The following SHROOM1 variants were observed in gnomAD, a reference collection of about 807,000 sequenced individuals.
SHROOM1 encodes shroom family member 1, also known as protein Shroom1.
SHROOM1 carries 53 observed loss-of-function variants against 64.2 expected under a neutral mutation model. The observed-to-expected ratio is 0.83, with a 90% confidence interval of 0.66 to 1.04. SHROOM1 has a LOEUF of 1.04. SHROOM1 is among the 50% of genes least tolerant of loss of function. The probability of loss-of-function intolerance (pLI) is 0.00; values close to 1 mark genes in which losing one functional copy is unlikely to be tolerated. For synonymous variants in SHROOM1, 490 were observed against 518.9 expected (o/e 0.94, Z 0.76); for missense variants, 1,179 against 1,163.2 (o/e 1.01, Z -0.20).
At position 132,825,877 on chromosome 5, in the gene SHROOM1, C is replaced by A; in HGVS notation, c.264G>T (p.Ala88=). The change falls in exon 4 of 10, where the codon GCG becomes GCT. Residue 88 remains alanine, a synonymous_variant. Transcript: ENST00000378679. This position sits in a 1 kb window ranked among gnomAD's most constrained non-coding sequence, Gnocchi z 5.1. ...ALCTSPRPRP[A]VAARSGPQPT... ...GCTGCGGCCCACTGCGGGCTGCAAC[C>A]GCGGGCCGGGGCCGCGGGGATGTGC... 3 of 1,301,866 alleles carry A rather than the reference C, an allele frequency of 2.3e-6. No individual in the cohort carries two copies. The highest frequency in any genetic ancestry group is 2.0e-6 in the Non-Finnish European group (2 of 1,019,890). The allele number at this position is 1,301,866 out of a possible 1,614,324, so 80.6% of individuals were successfully genotyped here.
chr5:132,827,645 A>C (rs138223151), intron 1 of SHROOM1, 38 bp from the exon 2 acceptor site: 1 of 149,926 alleles, frequency 6.7e-6, no homozygotes, highest in Non-Finnish European at 1.5e-5. Context: ...AAAACAAAAC[A>C]AAACCCCAAA....
At position 132,825,499 on chromosome 5, in the gene SHROOM1, G is replaced by A; in HGVS notation, c.642C>T (p.Leu214=). ...AGCACCACTTCCGCTGCTGGTTGGC[G>A]AGGGGACCCCGGCCGGCAGTTCCTG... ...PAPGTAGRGP[L]ANQQRKWCFS... The change falls in exon 4 of 10, where the codon CTC becomes CTT. Residue 214 remains leucine, a synonymous_variant. Coordinates refer to ENST00000378679, the MANE Select transcript of SHROOM1 (RefSeq NM_001172700.2). The surrounding 1 kb of genome is among the most constrained non-coding windows in gnomAD (Gnocchi z 5.1). 2 of 1,506,244 alleles carry A rather than the reference G, an allele frequency of 1.3e-6. No homozygotes were observed. The highest frequency in any genetic ancestry group is 1.3e-5 in the South Asian group (1 of 78,082). The allele number at this position is 1,506,244 out of a possible 1,614,324, so 93.3% of individuals were successfully genotyped here. A position where few individuals can be genotyped will look rare whatever the true frequency, so the allele number is the denominator to read the frequency against.
At position 132,830,640 on chromosome 5, in the gene SHROOM1, G is replaced by A; in HGVS notation, c.-547C>T. The A allele has an allele frequency of 1.0e-6, 1 of 985,246 alleles. No individual in the cohort carries two copies. Among genetic ancestry groups the A allele is most frequent in the Non-Finnish European group, 1.2e-6 (1 of 829,844 alleles). The allele number at this position is 985,246 out of a possible 1,614,324, so 61.0% of individuals were successfully genotyped here. A position where few individuals can be genotyped will look rare whatever the true frequency, so the allele number is the denominator to read the frequency against. On this transcript the variant is annotated 5_prime_UTR_variant, in exon 1 of 10. Coordinates refer to ENST00000378679, the MANE Select transcript of SHROOM1 (RefSeq NM_001172700.2). The surrounding 1 kb of genome is among the most constrained non-coding windows in gnomAD (Gnocchi z 5.9). Reference sequence around the variant, plus strand: ...GCTCCTGGGCCGTCGCAGCCGCGCGGTGACATCAGAGCCCCGGGCTCTGAC... The same window carrying A: ...GCTCCTGGGCCGTCGCAGCCGCGCGATGACATCAGAGCCCCGGGCTCTGAC...
chr5:132,828,302 G>A (rs1413390575), intron 1 of SHROOM1, among the ~76,000 whole-genome samples: 1 of 152,280 alleles, frequency 6.6e-6, no homozygotes, highest in Non-Finnish European at 1.5e-5. Context: ...GCTCTCAGCA[G>A]ACCTAGGACC....
Position 132,826,155 on chromosome 5 carries a change from G to A in SHROOM1, c.-15C>T, listed in dbSNP as rs368490206. ...AGGGCCTCCATGGCTGCGCAGATGA[G>A]TGCTGAGGCTGGGTGGCTGCGTGGG... On this transcript the variant is annotated 5_prime_UTR_variant, in exon 4 of 10. Coordinates refer to ENST00000378679, the MANE Select transcript of SHROOM1 (RefSeq NM_001172700.2). 90 of 1,339,820 alleles carry A rather than the reference G, an allele frequency of 6.7e-5. 1 individual carries two copies. The highest frequency in any genetic ancestry group is 8.2e-5 in the Non-Finnish European group (86 of 1,046,814). The allele number at this position is 1,339,820 out of a possible 1,614,324, so 83.0% of individuals were successfully genotyped here. A position where few individuals can be genotyped will look rare whatever the true frequency, so the allele number is the denominator to read the frequency against.
Position 132,823,147 on chromosome 5 carries a change from G to A in SHROOM1, c.2227-19C>T. The stretch of plus-strand genomic sequence containing the variant: ...GGGAGGCCTTGAGCCGCAGGAAGAG[G>A]CGCCGTGAGCCGGGTGAGGGCGCCG... On this transcript the variant is annotated intron_variant, in intron 9 of 9. Coordinates refer to ENST00000378679, the MANE Select transcript of SHROOM1 (RefSeq NM_001172700.2). The surrounding 1 kb of genome is among the most constrained non-coding windows in gnomAD (Gnocchi z 4.6). 6.5e-7 allele frequency: 1 copy of A among 1,543,834 alleles called. No individual in the cohort carries two copies. Among genetic ancestry groups the A allele is most frequent in the Non-Finnish European group, 8.7e-7 (1 of 1,153,490 alleles).
chr5:132,823,423 CCGCTTGG>C lies in SHROOM1; in HGVS notation c.2046_2052del (p.Gln683LeufsTer25). 3 of 1,611,640 alleles carry C rather than the reference CCGCTTGG, an allele frequency of 1.9e-6. No homozygotes were observed. Among genetic ancestry groups the C allele is most frequent in the Non-Finnish European group, 2.5e-6 (3 of 1,179,804 alleles). On this transcript the variant is annotated frameshift_variant, in exon 9 of 10. Transcript: ENST00000378679. LOFTEE classifies it high-confidence loss of function. The surrounding 1 kb of genome is among the most constrained non-coding windows in gnomAD (Gnocchi z 4.6). ...GCCTGGCGCACTGCAGCCTCCAGAG[CCGCTTGG>C]CGCCTGGCCCACGCTTGTGCCTCCC... is the stretch of plus-strand genomic sequence containing the variant.
Position 132,830,229 on chromosome 5 carries a change from C to A in SHROOM1, c.-501+365G>T. 1 of 985,318 alleles carries A rather than the reference C, an allele frequency of 1.0e-6. No individual in the cohort carries two copies. The highest frequency in any genetic ancestry group is 1.2e-6 in the Non-Finnish European group (1 of 829,892). 61.0% of individuals were successfully genotyped at this position (985,318 alleles called of 1,614,324 possible). On this transcript the variant is annotated intron_variant, in intron 1 of 9. Transcript: ENST00000378679. The surrounding 1 kb of genome is among the most constrained non-coding windows in gnomAD (Gnocchi z 5.9). The stretch of plus-strand genomic sequence containing the variant: ...CAGCGCGAGCCCGGGAGGGAAGGAC[C>A]CGGCTTCTCCAGATGCTTGGCGACA...
At position 132,825,556 on chromosome 5, in the gene SHROOM1, C is replaced by A. The variant is rs776321845; in HGVS notation, c.585G>T (p.Glu195Asp). ...RSASLSHPGG[E>D]GEPARSRAPA... ...GAGCCCGGGAGCGCGCCGGCTCCCC[C>A]TCCCCGCCCGGGTGGCTGAGCGAGG... Residue 195 changes from glutamate (E) to aspartate (D), a missense_variant, in exon 4 of 10, where the codon GAG (glutamate) becomes GAT (aspartate). Coordinates refer to ENST00000378679, the MANE Select transcript of SHROOM1 (RefSeq NM_001172700.2). The surrounding 1 kb of genome is among the most constrained non-coding windows in gnomAD (Gnocchi z 5.1). The A allele has an allele frequency of 2.1e-6, 3 of 1,418,886 alleles. No individual in the cohort carries two copies. The highest frequency in any genetic ancestry group is 2.7e-6 in the Non-Finnish European group (3 of 1,094,810). 87.9% of individuals were successfully genotyped at this position (1,418,886 alleles called of 1,614,324 possible).
Position 132,825,345 on chromosome 5 carries a change from C to A in SHROOM1, c.796G>T (p.Ala266Ser). Residue 266 changes from alanine to serine, a missense_variant, in exon 4 of 10, where the codon GCT becomes TCT. Physicochemically the swap from Ala to Ser is moderately conservative, Grantham distance 99. Transcript: ENST00000378679. The surrounding 1 kb of genome is among the most constrained non-coding windows in gnomAD (Gnocchi z 5.1). ...CCGACCTCGTGATCTTCAAACTTAGCCAGCGCCGGATGCTGGAACTCCAAG... is the reference window on the plus strand; with the variant it reads ...CCGACCTCGTGATCTTCAAACTTAGACAGCGCCGGATGCTGGAACTCCAAG... ...EPLEFQHPAL[A>S]KFEDHEVGWL... 6.2e-7 allele frequency: 1 copy of A among 1,602,712 alleles called. No individual in the cohort carries two copies. Among genetic ancestry groups the A allele is most frequent in the Non-Finnish European group, 8.5e-7 (1 of 1,179,178 alleles).
chr5:132,822,752 G>A lies in SHROOM1; in HGVS notation c.*44C>T, dbSNP rs201461913. The A allele has an allele frequency of 3.3e-6, 5 of 1,512,862 alleles. No individual in the cohort carries two copies. The highest frequency in any genetic ancestry group is 1.4e-5 in the African/African-American group (1 of 72,488). 93.7% of individuals were successfully genotyped at this position (1,512,862 alleles called of 1,614,324 possible). A position where few individuals can be genotyped will look rare whatever the true frequency, so the allele number is the denominator to read the frequency against. On this transcript the variant is annotated 3_prime_UTR_variant, in exon 10 of 10. Coordinates refer to ENST00000378679, the MANE Select transcript of SHROOM1 (RefSeq NM_001172700.2). ...TAAATCAGCATCACCCCACTTACGT[G>A]GGTGAGAGATAGGGGCGGTGCACCC...
chr5:132,825,232 C>T lies in SHROOM1; in HGVS notation c.909G>A (p.Arg303=), dbSNP rs766450433. The stretch of plus-strand genomic sequence containing the variant: ...AGACTTCGCCTGAAGCGCTCCGACT[C>T]CGACTGGCGGGCCTGAAGGCATCAC... ...KLGDAFRPAS[R]SRSASGEVLG... The change falls in exon 4 of 10, where the codon CGG becomes CGA. Residue 303 remains arginine, a synonymous_variant. Transcript: ENST00000378679. The surrounding 1 kb of genome is among the most constrained non-coding windows in gnomAD (Gnocchi z 5.1). The T allele has an allele frequency of 6.2e-7, 1 of 1,614,112 alleles. No homozygotes were observed. Among genetic ancestry groups the T allele is most frequent in the Non-Finnish European group, 8.5e-7 (1 of 1,180,032 alleles).
Position 132,830,231 on chromosome 5 carries a change from G to C in SHROOM1, c.-501+363C>G. 1 of 985,312 alleles carries C rather than the reference G, an allele frequency of 1.0e-6. No individual in the cohort carries two copies. Among genetic ancestry groups the C allele is most frequent in the Non-Finnish European group, 1.2e-6 (1 of 829,898 alleles). The allele number at this position is 985,312 out of a possible 1,614,324, so 61.0% of individuals were successfully genotyped here. A position where few individuals can be genotyped will look rare whatever the true frequency, so the allele number is the denominator to read the frequency against. ...GCGCGAGCCCGGGAGGGAAGGACCC[G>C]GCTTCTCCAGATGCTTGGCGACAAA... On this transcript the variant is annotated intron_variant, in intron 1 of 9. Coordinates refer to ENST00000378679, the MANE Select transcript of SHROOM1 (RefSeq NM_001172700.2). This position sits in a 1 kb window ranked among gnomAD's most constrained non-coding sequence, Gnocchi z 5.9.
chr5:132,823,844 A>G lies in SHROOM1; in HGVS notation c.1811+6T>C. The G allele has an allele frequency of 6.5e-7, 1 of 1,527,482 alleles. No individual in the cohort carries two copies. The highest frequency in any genetic ancestry group is 1.4e-5 in the African/African-American group (1 of 72,092). The allele number at this position is 1,527,482 out of a possible 1,614,324, so 94.6% of individuals were successfully genotyped here. On this transcript the variant is annotated splice_donor_region_variant and intron_variant, in intron 7 of 9. Transcript: ENST00000378679. This position sits in a 1 kb window ranked among gnomAD's most constrained non-coding sequence, Gnocchi z 4.6. ...GTGTCCAGATTCCCTAGTACACCTC[A>G]CTCACCCTGGCTCAAAAGTACTGGC... is the stretch of plus-strand genomic sequence containing the variant.
At position 132,823,029 on chromosome 5, in the gene SHROOM1, C is replaced by T. The variant is rs748452579; in HGVS notation, c.2326G>A (p.Val776Met). The change falls in exon 10 of 10, where the codon GTG (valine) becomes ATG (methionine). Residue 776 changes from valine to methionine, a missense_variant. Val to Met is a conservative substitution (Grantham distance 21). Transcript: ENST00000378679. The surrounding 1 kb of genome is among the most constrained non-coding windows in gnomAD (Gnocchi z 4.6). ...TCCACCGGTAGTGCTCGCACCAGCA[C>T]CTCCCGCACGGCCCGCTCGCGCCGC... ...VARRERAVREVLVRALPVEEL... is the reference protein window; with the variant it reads ...VARRERAVREMLVRALPVEEL... 2.2e-5 allele frequency: 36 copies of T among 1,600,948 alleles called. No individual in the cohort carries two copies. In the African/African-American group the frequency reaches 4.4e-4, roughly 20 times the overall value.
At position 132,825,884 on chromosome 5, in the gene SHROOM1, C is replaced by T; in HGVS notation, c.257G>A (p.Arg86Gln). The T allele has an allele frequency of 7.7e-7, 1 of 1,306,686 alleles. No homozygotes were observed. 80.9% of individuals were successfully genotyped at this position (1,306,686 alleles called of 1,614,324 possible). ...DAALCTSPRPRPAVAARSGPQ... is the reference protein window; with the variant it reads ...DAALCTSPRPQPAVAARSGPQ... The stretch of plus-strand genomic sequence containing the variant: ...CCCACTGCGGGCTGCAACCGCGGGC[C>T]GGGGCCGCGGGGATGTGCAAAGGGC... Residue 86 changes from arginine to glutamine, a missense_variant, in exon 4 of 10, where the codon CGG becomes CAG. Physicochemically the swap from Arg to Gln is conservative, Grantham distance 43. Coordinates refer to ENST00000378679, the MANE Select transcript of SHROOM1 (RefSeq NM_001172700.2). This position sits in a 1 kb window ranked among gnomAD's most constrained non-coding sequence, Gnocchi z 5.1.
Position 132,825,904 on chromosome 5 carries a change from A to G in SHROOM1, c.237T>C (p.Leu79=). 7.5e-7 allele frequency: 1 copy of G among 1,336,772 alleles called. No homozygotes were observed. Among genetic ancestry groups the G allele is most frequent in the East Asian group, 3.1e-5 (1 of 32,010 alleles). 82.8% of individuals were successfully genotyped at this position (1,336,772 alleles called of 1,614,324 possible). ...GPGPAPPDAA[L]CTSPRPRPAV... ...CGGGCCGGGGCCGCGGGGATGTGCA[A>G]AGGGCAGCGTCGGGCGGGGCGGGGC... Residue 79 remains leucine, a synonymous_variant, in exon 4 of 10, where the codon CTT becomes CTC. Transcript: ENST00000378679. The surrounding 1 kb of genome is among the most constrained non-coding windows in gnomAD (Gnocchi z 5.1).
rs1040439770 is a variant in SHROOM1 at position 132,823,343 on chromosome 5, G to A, written c.2133C>T (p.Arg711=). The change falls in exon 9 of 10, where the codon CGC becomes CGT. Residue 711 remains arginine (R), a synonymous_variant. Transcript: ENST00000378679. This position sits in a 1 kb window ranked among gnomAD's most constrained non-coding sequence, Gnocchi z 4.6. ...CCAGCAGCAGCAGAAGGCCAAGCAC[G>A]CGCTCTAGGTCGGCCATGAACCGGC... is the stretch of plus-strand genomic sequence containing the variant. ...RFSRFMADLE[R]VLGLLLLLGS... 8.1e-6 allele frequency: 13 copies of A among 1,606,352 alleles called. No homozygotes were observed. Among genetic ancestry groups the A allele is most frequent in the African/African-American group, 1.3e-5 (1 of 74,940 alleles).
chr5:132,829,983 G>C (rs1287248220), intron 1 of SHROOM1: 1 of 985,366 alleles, frequency 1.0e-6, no homozygotes, highest in African/African-American at 1.7e-5. Flanking sequence ...CAGGAAGCTG[G>C]CGACACCCGG....
Sources: allele counts gnomAD v4.1 joint callset (sites outside exome capture counted in the v4.1 genomes callset), GRCh38; gene constraint gnomAD v4.1.1; non-coding constraint Gnocchi (gnomAD v3.1); transcripts MANE v1.5; gene names NCBI Gene and HGNC (gene_info 2026-07-23, HGNC 2026-07-21).